Variants in CDH11 observed in about 807,000 individuals in gnomAD.
CDH11 encodes the protein cadherin 11.
A neutral mutation model predicts 67.8 loss-of-function variants in CDH11; 11 were observed. The observed-to-expected ratio is 0.16, with a 90% CI of 0.10 to 0.27. CDH11 has a LOEUF of 0.27. Ranked by LOEUF, CDH11 falls within the 10% of genes least tolerant of loss-of-function variation. The pLI is 1.00. For missense variants in CDH11, 847 were observed against 1,031.2 expected, an observed-to-expected ratio of 0.82 and a Z score of 2.45; for synonymous variants, 419 against 400.0, an observed-to-expected ratio of 1.05 and a Z score of -0.57.
At chr16:64,984,304 C>T in intron 7 of CDH11, among the ~76,000 whole-genome samples, 1 of 152,178 alleles carries the variant, frequency 6.6e-6, no homozygotes, top group East Asian at 1.9e-4. Context: ...TGATCTTTGT[C>T]CCACAGTAGG....
chr16:65,083,361 C>T (rs1342248299), intron 1 of CDH11, among the ~76,000 whole-genome samples: 1 of 152,184 alleles, frequency 6.6e-6, no homozygotes, highest in African/African-American at 2.4e-5. Flanking sequence ...CATTATTATG[C>T]CTGACATGGT....
intron 8 of CDH11, 75 bp downstream of exon 8, chr16:64,981,973 T>C (rs1314377820): frequency 6.6e-6 from 9 of 1,354,286 alleles, no homozygotes; most frequent in Non-Finnish European, 9.1e-6. Flanking sequence ...AAAAACGTGG[T>C]TCCTACAGGG....
chr16:64,973,640 T>C (rs901808050), intron 8 of CDH11, among the ~76,000 whole-genome samples: 2 of 152,090 alleles, frequency 1.3e-5, no homozygotes, highest in African/African-American at 4.8e-5. Flanking sequence ...ATCGCATCTC[T>C]ACTAAAAAAT....
chr16:65,104,598 CA>C (rs1431249297), intron 1 of CDH11, among the ~76,000 whole-genome samples: 3 of 152,138 alleles, frequency 2.0e-5, no homozygotes, highest in African/African-American at 7.2e-5. Context: ...CAACAAAAGA[CA>C]GGGGGCAGTG....
intron 1 of CDH11, among the ~76,000 whole-genome samples, chr16:65,084,586 G>A (rs2142811155): frequency 6.6e-6 from 1 of 152,314 alleles, no homozygotes; most frequent in African/African-American, 2.4e-5. Context: ...ATATAAGTGA[G>A]AATAGTCGTC....
At chr16:65,023,144 C>G (rs2073460129) in intron 2 of CDH11, among the ~76,000 whole-genome samples, 1 of 152,204 alleles carries the variant, frequency 6.6e-6, no homozygotes, top group Non-Finnish European at 1.5e-5. Flanking sequence ...GCCAGGTGTG[C>G]TTCTGCCTGT....
chr16:64,996,427 T>C (rs1367332870), intron 4 of CDH11, among the ~76,000 whole-genome samples: 2 of 150,978 alleles, frequency 1.3e-5, no homozygotes, highest in Non-Finnish European at 2.9e-5. Flanking sequence ...GAGGCAGAGA[T>C]TGCAGTGAGC....
intron 1 of CDH11, among the ~76,000 whole-genome samples, chr16:65,091,129 C>T (rs908502223): frequency 3.3e-5 from 5 of 152,162 alleles, no homozygotes; most frequent in Non-Finnish European, 5.9e-5. Flanking sequence ...AACATTTTAT[C>T]CTAAGCATAT....
At chr16:65,040,881 T>C (rs910933830) in intron 2 of CDH11, among the ~76,000 whole-genome samples, 1 of 152,224 alleles carries the variant, frequency 6.6e-6, no homozygotes, top group Non-Finnish European at 1.5e-5. Context: ...GTAATAAGCC[T>C]TTTAAAGGGT....
chr16:65,097,088 TCTGGTTGTTTTACATA>T (rs959779136), intron 1 of CDH11, among the ~76,000 whole-genome samples: 10 of 152,308 alleles, frequency 6.6e-5, no homozygotes, highest in African/African-American at 2.2e-4. Flanking sequence ...TTACCTTTTA[TCTGGTTGTTTTACATA>T]CTGGTTGTTT....
chr16:65,100,247 T>G (rs1341340161), intron 1 of CDH11, among the ~76,000 whole-genome samples: 1 of 152,156 alleles, frequency 6.6e-6, no homozygotes, highest in South Asian at 2.1e-4. Flanking sequence ...GGGATGCAGC[T>G]TGAGGATTAG....
chr16:64,950,716 G>A, intron 12 of CDH11, 51 bp downstream of exon 12: 1 of 1,591,914 alleles, frequency 6.3e-7, no homozygotes. Context: ...TTTCAAGGAG[G>A]GGCATCCGGT....
At position 65,121,801 on chromosome 16, in the gene CDH11, T is replaced by C. The variant is rs2075335937; in HGVS notation, c.-298+79A>G. On this transcript the variant is annotated intron_variant, in intron 1 of 12. Transcript: ENST00000268603. This position sits in a 1 kb window ranked among gnomAD's most constrained non-coding sequence, Gnocchi z 4.1. ...TCACCACCCCGCCCCGCCAAGACAT[T>C]CTCTTCCTGAGAAAATCCTGCCCCC... 4.3e-6 allele frequency: 3 copies of C among 699,818 alleles called. No homozygotes were observed. The African/African-American group carries it at 5.3e-5, about 12-fold the overall frequency. The allele number at this position is 699,818 out of a possible 1,614,324, so 43.4% of individuals were successfully genotyped here.
chr16:64,988,823 T>C (rs533316315), intron 6 of CDH11, among the ~76,000 whole-genome samples: 1 of 152,180 alleles, frequency 6.6e-6, no homozygotes, highest in Non-Finnish European at 1.5e-5. Context: ...ATGCAAACTT[T>C]AACATCCCTC....
At chr16:65,057,195 A>G (rs1240939136) in intron 1 of CDH11, among the ~76,000 whole-genome samples, 1 of 151,872 alleles carries the variant, frequency 6.6e-6, no homozygotes, top group Non-Finnish European at 1.5e-5. Context: ...ATTTTCCTTC[A>G]TCTTCCCCAC....
chr16:65,123,333 G>T (rs2075367222), upstream of CDH11, among the ~76,000 whole-genome samples: 1 of 152,026 alleles, frequency 6.6e-6, no homozygotes, highest in Non-Finnish European at 1.5e-5. Context: ...CGGGGATGAG[G>T]CTGGGAAAGG....
At chr16:64,964,300 C>T (rs1305961227) in intron 11 of CDH11, among the ~76,000 whole-genome samples, 2 of 152,116 alleles carry the variant, frequency 1.3e-5, no homozygotes, top group East Asian at 1.9e-4. Flanking sequence ...TCCTAGGCTA[C>T]AATCCTATAC....
chr16:65,004,999 T>C lies in CDH11; in HGVS notation c.-130A>G. 2.1e-6 allele frequency: 3 copies of C among 1,417,870 alleles called. No homozygotes were observed. The highest frequency in any genetic ancestry group is 2.7e-5 in the East Asian group (1 of 37,166). The allele number at this position is 1,417,870 out of a possible 1,614,324, so 87.8% of individuals were successfully genotyped here. A position where few individuals can be genotyped will look rare whatever the true frequency, so the allele number is the denominator to read the frequency against. Reference sequence around the variant, plus strand: ...TCTTGGGATGGAATGTCTCTGCTGGTTGAGCTCATCACGTCAGGGCTGCCC... The same window carrying C: ...TCTTGGGATGGAATGTCTCTGCTGGCTGAGCTCATCACGTCAGGGCTGCCC... On this transcript the variant is annotated 5_prime_UTR_variant, in exon 3 of 13. Transcript: ENST00000268603.
At chr16:64,963,284 A>G (rs1187789060) in intron 11 of CDH11, among the ~76,000 whole-genome samples, 1 of 152,186 alleles carries the variant, frequency 6.6e-6, no homozygotes, top group Non-Finnish European at 1.5e-5. Context: ...GAAACACTAG[A>G]GATAAAAAAC....
Sources: allele counts gnomAD v4.1 joint callset (sites outside exome capture counted in the v4.1 genomes callset), GRCh38; gene constraint gnomAD v4.1.1; non-coding constraint Gnocchi (gnomAD v3.1); transcripts MANE v1.5; gene names NCBI Gene and HGNC (gene_info 2026-07-23, HGNC 2026-07-21).